MAGI2: variants seen among roughly 807,000 people sequenced by gnomAD.
The protein encoded by MAGI2 is membrane associated guanylate kinase, WW and PDZ domain containing 2.
A neutral mutation model predicts 133.3 loss-of-function variants in MAGI2; 35 were observed. The ratio of observed to expected loss-of-function variants is 0.26; its 90% CI spans 0.20 to 0.35. The LOEUF (loss-of-function observed/expected upper bound fraction) is 0.35. Among genes scored for constraint, MAGI2 ranks in the 10% least tolerant of loss-of-function variants. The probability of loss-of-function intolerance (pLI) is 1.00; values close to 1 mark genes in which losing one functional copy is unlikely to be tolerated. For synonymous variants in MAGI2, 729 were observed against 710.6 expected (o/e 1.03, Z -0.41); for missense variants, 1,636 against 1,863.4 (o/e 0.88, Z 2.25).
At chr7:78,497,365 T>C (rs1006008975) in intron 5 of MAGI2, among the ~76,000 whole-genome samples, 1 of 152,180 alleles carries the variant, frequency 6.6e-6, no homozygotes, top group Non-Finnish European at 1.5e-5. Flanking sequence ...TTCTATAGGA[T>C]AGAAGAAATC....
At chr7:79,214,399 CTCTCTCTCTATATATATA>C (rs1411721747) in intron 1 of MAGI2, among the ~76,000 whole-genome samples, 28 of 72,160 alleles carry the variant, frequency 3.9e-4, no homozygotes, top group South Asian at 1.0e-3. Flanking sequence ...CTCTCTCTCT[CTCTCTCTCTATATATATA>C]TATATATATA....
rs534321379 is a variant in MAGI2 at position 78,323,967 on chromosome 7, C to T, written c.1408+19811G>A. Among the ~76,000 whole-genome samples, 26 of 152,144 alleles carry T rather than the reference C, an allele frequency of 1.7e-4. No individual in the cohort carries two copies. The Middle Eastern group carries it at 0.027, about 159-fold the overall frequency. On this transcript the variant is annotated intron_variant, in intron 9 of 21. Coordinates refer to ENST00000354212, the MANE Select transcript of MAGI2 (RefSeq NM_012301.4). ...CCCATGCTGGTATGAAATTTCTATA[C>T]GTTCTGTGTATTGATCTTGAAATTT...
chr7:78,734,535 T>C (rs1821667448), intron 2 of MAGI2, among the ~76,000 whole-genome samples: 1 of 152,150 alleles, frequency 6.6e-6, no homozygotes, highest in African/African-American at 2.4e-5. Flanking sequence ...CTTTGTCAAG[T>C]GAATTTTGAG....
intron 2 of MAGI2, among the ~76,000 whole-genome samples, chr7:78,819,101 A>C (rs964437313): frequency 3.3e-5 from 5 of 152,160 alleles, no homozygotes; most frequent in Non-Finnish European, 7.4e-5. Flanking sequence ...TAGCCAAGCC[A>C]CCAGAGACCC....
chr7:78,471,322 C>T (rs1025571781), intron 6 of MAGI2, among the ~76,000 whole-genome samples: 2 of 152,046 alleles, frequency 1.3e-5, no homozygotes, highest in East Asian at 1.9e-4. Flanking sequence ...TGCCTTCTTT[C>T]CTAGAATAAT....
chr7:78,408,576 A>G (rs1378715537), intron 6 of MAGI2, among the ~76,000 whole-genome samples: 1 of 152,022 alleles, frequency 6.6e-6, no homozygotes, highest in African/African-American at 2.4e-5. Context: ...TGCTTCTTAA[A>G]AAGTGTAACC....
At chr7:78,812,499 C>T (rs566667648) in intron 2 of MAGI2, among the ~76,000 whole-genome samples, 10 of 152,078 alleles carry the variant, frequency 6.6e-5, no homozygotes, top group Non-Finnish European at 1.0e-4. Context: ...AACTTAAAAC[C>T]AGCCCAATAT....
chr7:78,841,239 C>T (rs10274717), intron 2 of MAGI2, among the ~76,000 whole-genome samples: 3,074 of 152,154 alleles, frequency 0.02, 94 homozygotes, highest in African/African-American at 0.07. Context: ...AAGTTGCCTT[C>T]ATAATGATCA....
chr7:78,277,813 G>A (rs1795195093), intron 9 of MAGI2, among the ~76,000 whole-genome samples: 1 of 152,140 alleles, frequency 6.6e-6, no homozygotes, highest in Non-Finnish European at 1.5e-5. Flanking sequence ...GAGAGAACAA[G>A]TAGTGAGACT....
intron 1 of MAGI2, among the ~76,000 whole-genome samples, chr7:79,218,415 A>G (rs1399698284): frequency 2.1e-4 from 32 of 151,992 alleles, no homozygotes; most frequent in Non-Finnish European, 2.9e-5. Flanking sequence ...GAACTCTGCC[A>G]CTCTTTAGCT....
intron 2 of MAGI2, among the ~76,000 whole-genome samples, chr7:78,920,090 T>G (rs1332886881): frequency 6.6e-6 from 1 of 152,076 alleles, no homozygotes; most frequent in Non-Finnish European, 1.5e-5. Context: ...GCCTAAAATT[T>G]TTACTAAGCC....
intron 15 of MAGI2, among the ~76,000 whole-genome samples, 177 bp from the exon 16 acceptor site, chr7:78,160,450 C>T (rs988506576): frequency 6.6e-6 from 1 of 152,200 alleles, no homozygotes; most frequent in Non-Finnish European, 1.5e-5. Flanking sequence ...GTGGAGCTCC[C>T]AAGGTCTTGC....
In MAGI2 at chr7:79,312,897, C is replaced by G. The variant is rs191376005; in HGVS notation, c.301+140123G>C. On this transcript the variant is annotated intron_variant, in intron 1 of 21. Transcript: ENST00000354212. ...TGCACCGTACAGGCACCCTCCTCCC[C>G]CTCCACCCACCGCCTTCTTCCCTTT... Among the ~76,000 whole-genome samples the G allele has an allele frequency of 2.0e-3, 304 of 152,266 alleles. 1 individual carries two copies. The highest frequency in any genetic ancestry group is 3.5e-3 in the Non-Finnish European group (236 of 68,010).
At chr7:78,957,408 T>G (rs1448679058) in intron 2 of MAGI2, among the ~76,000 whole-genome samples, 1 of 152,008 alleles carries the variant, frequency 6.6e-6, no homozygotes, top group East Asian at 1.9e-4. Context: ...TCTAAAACTA[T>G]AGTATAATTT....
intron 20 of MAGI2, among the ~76,000 whole-genome samples, chr7:78,109,511 A>G (rs1293103153): frequency 6.6e-6 from 1 of 151,826 alleles, no homozygotes; most frequent in African/African-American, 2.4e-5. Flanking sequence ...ACGTGCCTGT[A>G]GTCCCAACTA....
At chr7:78,056,648 A>C (rs1812603475) in intron 21 of MAGI2, among the ~76,000 whole-genome samples, 1 of 152,070 alleles carries the variant, frequency 6.6e-6, no homozygotes, top group Admixed American at 6.6e-5. Flanking sequence ...GGGGGGAACA[A>C]CACACACTGG....
intron 2 of MAGI2, among the ~76,000 whole-genome samples, chr7:78,957,135 T>C (rs534059975): frequency 6.6e-6 from 1 of 150,786 alleles, no homozygotes; most frequent in East Asian, 1.9e-4. Context: ...GAGGTGGTGG[T>C]CACCTGTAGT....
chr7:79,216,505 G>A (rs1830046660), intron 1 of MAGI2, among the ~76,000 whole-genome samples: 1 of 151,996 alleles, frequency 6.6e-6, no homozygotes, highest in Non-Finnish European at 1.5e-5. Flanking sequence ...CTAAAAGAGT[G>A]CACTGTAATA....
rs138469117 is a variant in MAGI2, at chr7:78,965,902, A to T, written c.418+41188T>A. The stretch of plus-strand genomic sequence containing the variant: ...CACCTAGGACTCTGCGGAATCAAAA[A>T]ATAGCTTTTGGAGGCAACCTCATCC... On this transcript the variant is annotated intron_variant, in intron 2 of 21. Coordinates refer to ENST00000354212, the MANE Select transcript of MAGI2 (RefSeq NM_012301.4). 9.2e-5 allele frequency among the ~76,000 whole-genome samples: 14 copies of T among 152,218 alleles called. No homozygotes were observed. In the East Asian group the frequency reaches 2.7e-3, roughly 30 times the overall value.
Sources: allele counts gnomAD v4.1 joint callset (sites outside exome capture counted in the v4.1 genomes callset), GRCh38; gene constraint gnomAD v4.1.1; transcripts MANE v1.5; gene names NCBI Gene and HGNC (gene_info 2026-07-23, HGNC 2026-07-21).